The following ACOT11 variants were observed in gnomAD, a reference collection of about 807,000 sequenced individuals.
ACOT11 encodes the protein acyl-CoA thioesterase 11.
A neutral mutation model predicts 77.5 loss-of-function variants in ACOT11; 69 were observed. That is an observed-to-expected ratio of 0.89 (90% CI 0.73 to 1.09). ACOT11 has a LOEUF of 1.09. ACOT11 is among the 50% of genes least tolerant of loss of function. The probability of loss-of-function intolerance (pLI) is 0.00; values close to 1 mark genes in which losing one functional copy is unlikely to be tolerated. For missense variants in ACOT11, 766 were observed against 813.7 expected (o/e 0.94, Z 0.71); for synonymous variants, 279 against 313.0 (o/e 0.89, Z 1.15).
Position 54,548,293 on chromosome 1 carries a change from C to T in ACOT11, c.-17C>T. The T allele has an allele frequency of 6.3e-7, 1 of 1,590,574 alleles. No individual in the cohort carries two copies. Among genetic ancestry groups the T allele is most frequent in the Non-Finnish European group, 8.6e-7 (1 of 1,168,924 alleles). ...GTGTCTCTGGGAGGGCGCTGCTTTCCCCGGCCACCCGGCGCGATGATCCAG... is the reference window on the plus strand; with the variant it reads ...GTGTCTCTGGGAGGGCGCTGCTTTCTCCGGCCACCCGGCGCGATGATCCAG... On this transcript the variant is annotated 5_prime_UTR_variant, in exon 1 of 16. Transcript: ENST00000343744.
chr1:54,623,250 T>G, intron 15 of ACOT11: 1 of 1,514,352 alleles, frequency 6.6e-7, no homozygotes, highest in Non-Finnish European at 9.2e-7. Flanking sequence ...GGGAAGCCAC[T>G]CAGGATGACA....
At chr1:54,568,515 C>A (rs1653817521) in intron 1 of ACOT11, among the ~76,000 whole-genome samples, 1 of 151,990 alleles carries the variant, frequency 6.6e-6, no homozygotes, top group African/African-American at 2.4e-5. Context: ...CAGGAATGCA[C>A]CATCACGCCT....
At position 54,607,597 on chromosome 1, in the gene ACOT11, GGCTGGAGGGCCTAAACATCTCTTTT is replaced by G. The variant is rs1302568243; in HGVS notation, c.1503-337_1503-313del. On this transcript the variant is annotated intron_variant, in intron 14 of 15. Transcript: ENST00000343744. The surrounding 1 kb of genome is among the most constrained non-coding windows in gnomAD (Gnocchi z 4.5). The stretch of plus-strand genomic sequence containing the variant: ...CTCCTCCCTCTGACAGCCCTGTGTG[GGCTGGAGGGCCTAAACATCTCTTTT>G]GCTGGAGAGACAGGGACAGAAAAAA... 6.6e-6 allele frequency among the ~76,000 whole-genome samples: 1 copy of G among 152,128 alleles called. No individual in the cohort carries two copies. The highest frequency in any genetic ancestry group is 1.5e-5 in the Non-Finnish European group (1 of 68,022).
At chr1:54,565,159 A>T (rs1309036130) in intron 1 of ACOT11, among the ~76,000 whole-genome samples, 1 of 152,182 alleles carries the variant, frequency 6.6e-6, no homozygotes, top group East Asian at 1.9e-4. Context: ...CAGCAAGGCA[A>T]GGAGAAGGTG....
intron 15 of ACOT11, chr1:54,623,585 C>T: frequency 1.7e-6 from 1 of 577,506 alleles, no homozygotes; most frequent in Non-Finnish European, 3.1e-6. Flanking sequence ...CTCCCCGCCC[C>T]AATCCTCTTC....
intron 1 of ACOT11, chr1:54,582,440 C>T (rs1371432063): frequency 2.0e-6 from 2 of 985,198 alleles, no homozygotes; most frequent in Admixed American, 6.2e-5. Context: ...CCCAGGGCCC[C>T]GTACAGAGGA....
At chr1:54,549,644 C>T (rs1465757768) in intron 1 of ACOT11, among the ~76,000 whole-genome samples, 1 of 152,236 alleles carries the variant, frequency 6.6e-6, no homozygotes, top group African/African-American at 2.4e-5. Flanking sequence ...TAGACTGGCA[C>T]ATACATCCCT....
In ACOT11 at chr1:54,584,644, C is replaced by G; in HGVS notation, c.34-11C>G. ...CCTCTCTGTCCCCACCTGTCCCCAC[C>G]TGTACCCCAGGGCTTGGCCTCTGTG... is the stretch of plus-strand genomic sequence containing the variant. On this transcript the variant is annotated splice_polypyrimidine_tract_variant and intron_variant, in intron 1 of 15. Coordinates refer to ENST00000343744, the MANE Select transcript of ACOT11 (RefSeq NM_147161.4). This position sits in a 1 kb window ranked among gnomAD's most constrained non-coding sequence, Gnocchi z 6.3. 1 of 1,613,084 alleles carries G rather than the reference C, an allele frequency of 6.2e-7. No individual in the cohort carries two copies. Among genetic ancestry groups the G allele is most frequent in the South Asian group, 1.1e-5 (1 of 90,962 alleles).
At chr1:54,623,063 C>A (rs1237355183) in intron 15 of ACOT11, among the ~76,000 whole-genome samples, 1 of 151,864 alleles carries the variant, frequency 6.6e-6, no homozygotes, top group Non-Finnish European at 1.5e-5. Flanking sequence ...GTAATCCCAG[C>A]TACTCGGGAG....
chr1:54,638,890 T>C (rs1411885836), exon 17 of ACOT11: 1 of 151,966 alleles, frequency 6.6e-6, no homozygotes, highest in Non-Finnish European at 1.5e-5. Flanking sequence ...AGTTTGAATG[T>C]TAAGAATAGA....
In ACOT11 at chr1:54,608,008, A is replaced by G. The variant is rs142379256; in HGVS notation, c.1569A>G (p.Arg523=). 88 of 1,613,446 alleles carry G rather than the reference A, an allele frequency of 5.5e-5. No homozygotes were observed. The East Asian group carries it at 1.8e-3, about 33-fold the overall frequency. Reference sequence around the variant, plus strand: ...CACACCGAGAGACGCCAGAGTACAGACGCGGAGAGACCCTCTGCTCAGGCT... The same window carrying G: ...CACACCGAGAGACGCCAGAGTACAGGCGCGGAGAGACCCTCTGCTCAGGCT... ...LPTHRETPEY[R]RGETLCSGFC... The change falls in exon 15 of 16, where the codon AGA becomes AGG. Residue 523 remains arginine, a synonymous_variant. Transcript: ENST00000343744.
At chr1:54,569,050 G>A (rs1653840422) in intron 1 of ACOT11, among the ~76,000 whole-genome samples, 1 of 151,726 alleles carries the variant, frequency 6.6e-6, no homozygotes, top group African/African-American at 2.4e-5. Flanking sequence ...GGTCAAGGCT[G>A]CAGTGAGCCA....
chr1:54,610,427 T>C (rs775735591), downstream of ACOT11: 1 of 1,613,492 alleles, frequency 6.2e-7, no homozygotes, highest in South Asian at 1.1e-5. Flanking sequence ...AGGGTCATTG[T>C]TGCTGTTTTA....
intron 15 of ACOT11, among the ~76,000 whole-genome samples, chr1:54,626,294 AAAGAC>A (rs779450448): frequency 2.0e-4 from 31 of 151,932 alleles, no homozygotes; most frequent in East Asian, 5.8e-4. Context: ...AAAAAAGAGA[AAAGAC>A]AAGAAAAGAA....
At chr1:54,582,767 G>A (rs868282808) in intron 1 of ACOT11, among the ~76,000 whole-genome samples, 20 of 152,150 alleles carry the variant, frequency 1.3e-4, no homozygotes, top group Middle Eastern at 3.2e-3. Context: ...CTGTGTGTCG[G>A]CGTCCCTGTG....
At chr1:54,630,926 T>G (rs559352436) in intron 16 of ACOT11, 51 of 667,314 alleles carry the variant, frequency 7.6e-5, no homozygotes, top group South Asian at 1.2e-4. Flanking sequence ...AGGGTAACAA[T>G]GGGATGGGTA....
At chr1:54,553,491 T>C (rs1415907471) in intron 1 of ACOT11, among the ~76,000 whole-genome samples, 1 of 150,746 alleles carries the variant, frequency 6.6e-6, no homozygotes, top group African/African-American at 2.4e-5. Context: ...AAAAAAAAAA[T>C]GGACAGGTAA....
intron 1 of ACOT11, among the ~76,000 whole-genome samples, chr1:54,565,251 C>T (rs1177770622): frequency 1.3e-5 from 2 of 152,188 alleles, no homozygotes; most frequent in African/African-American, 4.8e-5. Context: ...ATACTCTTTA[C>T]CCGGCAGATC....
At chr1:54,562,626 CGG>C (rs1653573855) in intron 1 of ACOT11, among the ~76,000 whole-genome samples, 1 of 144,038 alleles carries the variant, frequency 6.9e-6, no homozygotes, top group Admixed American at 6.7e-5. Context: ...AGCTGCCGGG[CGG>C]AGGGGCTCCT....
Sources: allele counts gnomAD v4.1 joint callset (sites outside exome capture counted in the v4.1 genomes callset), GRCh38; gene constraint gnomAD v4.1.1; non-coding constraint Gnocchi (gnomAD v3.1); transcripts MANE v1.5; gene names NCBI Gene and HGNC (gene_info 2026-07-23, HGNC 2026-07-21).